The following CCDC18 variants were observed in gnomAD, a reference collection of about 807,000 sequenced individuals.
CCDC18 encodes the protein coiled-coil domain-containing protein 18.
A neutral mutation model predicts 196.0 loss-of-function variants in CCDC18; 157 were observed. That is an observed-to-expected ratio of 0.80 (90% confidence interval 0.70 to 0.91). CCDC18 has a LOEUF of 0.91. Ranked by LOEUF, CCDC18 falls within the 40% of genes least tolerant of loss-of-function variation. The pLI is 0.00. For missense variants in CCDC18, 1,465 were observed against 1,611.6 expected (o/e 0.91, Z 1.56); for synonymous variants, 482 against 529.2 (o/e 0.91, Z 1.22).
At chr1:93,221,525 A>G in intron 14 of CCDC18, 84 bp from the exon 15 acceptor site, 1 of 932,292 alleles carries the variant, frequency 1.1e-6, no homozygotes, top group Non-Finnish European at 1.5e-6. Flanking sequence ...ATGTAATTTC[A>G]ATTATAGTGT....
chr1:93,270,283 CT>C, intron 27 of CCDC18, 63 bp from the exon 28 acceptor site: 1 of 864,034 alleles, frequency 1.2e-6, no homozygotes, highest in Non-Finnish European at 1.8e-6. Flanking sequence ...CTATGATTTT[CT>C]AAGGAGTTCA....
chr1:93,198,421 A>T (rs1191632007), intron 6 of CCDC18, among the ~76,000 whole-genome samples: 1 of 152,186 alleles, frequency 6.6e-6, no homozygotes, highest in Non-Finnish European at 1.5e-5. Flanking sequence ...AAATTAACAT[A>T]TGTTGTTAAA....
chr1:93,203,187 G>A (rs1654125093), intron 7 of CCDC18, among the ~76,000 whole-genome samples: 1 of 152,184 alleles, frequency 6.6e-6, no homozygotes, highest in Non-Finnish European at 1.5e-5. Context: ...GTGGGATCTA[G>A]TGACCACTTG....
In CCDC18 at chr1:93,256,538, A is replaced by G. The variant is rs2101094455; in HGVS notation, c.3546A>G (p.Lys1182=). Residue 1182 remains lysine, a splice_region_variant and synonymous_variant, in exon 25 of 29, where the codon AAA becomes AAG. Transcript: ENST00000690025. ...ATATGAAGCAACTCTCTAAAGAGAA[A>G]GTAATCCCTATTTTAAATAATCTTA... ...LEDMKQLSKE[K]DAHGNHLAEE... 6.2e-7 allele frequency: 1 copy of G among 1,604,848 alleles called. No individual in the cohort carries two copies. The highest frequency in any genetic ancestry group is 8.5e-7 in the Non-Finnish European group (1 of 1,172,114).
chr1:93,263,409 C>T (rs537350231), intron 26 of CCDC18, among the ~76,000 whole-genome samples: 2 of 152,204 alleles, frequency 1.3e-5, no homozygotes, highest in South Asian at 2.1e-4. Context: ...TGACTGTACA[C>T]TTTCACAAAA....
Position 93,260,340 on chromosome 1 carries a change from C to T in CCDC18, c.3684+1455C>T, listed in dbSNP as rs560025824. 4.4e-4 allele frequency among the ~76,000 whole-genome samples: 67 copies of T among 152,210 alleles called. 1 individual carries two copies. The highest frequency in any genetic ancestry group is 1.3e-3 in the African/African-American group (56 of 41,534). The stretch of plus-strand genomic sequence containing the variant: ...CAGAGGTTGCAGTAAGCCAAGATCG[C>T]GCCATTGCAGTCAAGTCTGCGTGAC... On this transcript the variant is annotated intron_variant, in intron 26 of 28. Transcript: ENST00000690025.
At chr1:93,257,509 A>G (rs1663171843) in intron 25 of CCDC18, among the ~76,000 whole-genome samples, 1 of 152,048 alleles carries the variant, frequency 6.6e-6, no homozygotes, top group African/African-American at 2.4e-5. Flanking sequence ...CAAAAAAAAA[A>G]AATTCAGCTT....
chr1:93,208,346 T>G (rs1402261798), intron 9 of CCDC18, among the ~76,000 whole-genome samples: 2 of 151,576 alleles, frequency 1.3e-5, no homozygotes, highest in African/African-American at 4.8e-5. Context: ...TTGTTTGTTT[T>G]TTTGACGGAG....
chr1:93,231,866 A>T (rs983100665), intron 17 of CCDC18, among the ~76,000 whole-genome samples: 1 of 152,234 alleles, frequency 6.6e-6, no homozygotes, highest in African/African-American at 2.4e-5. Context: ...ACCAAACATC[A>T]TATAGTGCTT....
intron 9 of CCDC18, among the ~76,000 whole-genome samples, chr1:93,208,548 G>A (rs1445469289): frequency 2.0e-5 from 3 of 152,120 alleles, no homozygotes; most frequent in Non-Finnish European, 2.9e-5. Flanking sequence ...ACCCACCTTG[G>A]CCTCCCAAAG....
At chr1:93,215,455 CTTTTTTT>C (rs60117060) in intron 12 of CCDC18, among the ~76,000 whole-genome samples, 4 of 139,914 alleles carry the variant, frequency 2.9e-5, no homozygotes, top group African/African-American at 5.2e-5. Flanking sequence ...TTTTCTTTTT[CTTTTTTT>C]TTTTTTTTCT....
At chr1:93,222,684 A>G (rs1657636844) in intron 16 of CCDC18, among the ~76,000 whole-genome samples, 1 of 152,184 alleles carries the variant, frequency 6.6e-6, no homozygotes, top group Non-Finnish European at 1.5e-5. Context: ...TTCTTCATCC[A>G]CAAAATAGGA....
intron 9 of CCDC18, among the ~76,000 whole-genome samples, chr1:93,210,227 T>C (rs1655389281): frequency 6.6e-6 from 1 of 152,236 alleles, no homozygotes; most frequent in Admixed American, 6.5e-5. Flanking sequence ...CTAACCTTGC[T>C]CCTTTTTATA....
chr1:93,217,004 G>A (rs1349203024), intron 13 of CCDC18, among the ~76,000 whole-genome samples: 4 of 142,098 alleles, frequency 2.8e-5, no homozygotes, highest in Non-Finnish European at 4.5e-5. Context: ...GTGTGATCTC[G>A]GCTCACTGCA....
intron 27 of CCDC18, among the ~76,000 whole-genome samples, chr1:93,267,953 G>T (rs775907158): frequency 7.2e-5 from 11 of 151,950 alleles, no homozygotes; most frequent in Non-Finnish European, 1.5e-4. Context: ...AGTTCATATG[G>T]AACCAAAAAA....
chr1:93,199,469 C>G (rs1046451665), intron 6 of CCDC18, among the ~76,000 whole-genome samples: 1 of 152,228 alleles, frequency 6.6e-6, no homozygotes, highest in African/African-American at 2.4e-5. Context: ...CCACAGAGCC[C>G]TAAAGAGGGT....
intron 14 of CCDC18, among the ~76,000 whole-genome samples, chr1:93,220,772 C>T (rs1280189985): frequency 3.3e-5 from 5 of 152,102 alleles, no homozygotes; most frequent in African/African-American, 1.2e-4. Context: ...TCCTGATGCT[C>T]CCTCTCTCCC....
At chr1:93,218,008 T>C in intron 14 of CCDC18, 139 bp downstream of exon 14, 3 of 657,614 alleles carry the variant, frequency 4.6e-6, no homozygotes, top group Non-Finnish European at 5.2e-6. Flanking sequence ...TCCCAATCTT[T>C]CTGAATAATT....
chr1:93,210,140 CG>C (rs1655369173), intron 9 of CCDC18, among the ~76,000 whole-genome samples: 1 of 152,090 alleles, frequency 6.6e-6, no homozygotes. Context: ...AAGAATGACA[CG>C]ATTAGAAAAT....
Sources: allele counts gnomAD v4.1 joint callset (sites outside exome capture counted in the v4.1 genomes callset), GRCh38; gene constraint gnomAD v4.1.1; transcripts MANE v1.5; gene names NCBI Gene and HGNC (gene_info 2026-07-23, HGNC 2026-07-21).